INF2: variants seen among roughly 807,000 people sequenced by gnomAD.
The protein encoded by INF2 is inverted formin-2.
INF2 carries 43 observed loss-of-function variants against 123.5 expected under a neutral mutation model. That is an observed-to-expected ratio of 0.35 (90% CI 0.27 to 0.45). INF2 has a LOEUF of 0.45. Among genes scored for constraint, INF2 ranks in the 20% least tolerant of loss-of-function variants. The pLI, the probability that INF2 is intolerant of heterozygous loss-of-function variation, is 1.00. For synonymous variants in INF2, 851 were observed against 745.0 expected (o/e 1.14, Z -2.32); for missense variants, 1,453 against 1,682.7 (o/e 0.86, Z 2.39).
intron 1 of INF2, among the ~76,000 whole-genome samples, chr14:104,694,034 C>T (rs1335570292): frequency 6.6e-6 from 1 of 152,240 alleles, no homozygotes; most frequent in East Asian, 1.9e-4. Context: ...ACACCCAGGG[C>T]CCCTGCCTAT....
chr14:104,687,782 G>C (rs930822275), upstream of INF2, among the ~76,000 whole-genome samples: 1 of 152,132 alleles, frequency 6.6e-6, no homozygotes, highest in Admixed American at 6.5e-5. This position sits in a 1 kb window ranked among gnomAD's most constrained non-coding sequence, Gnocchi z 5.6. Flanking sequence ...CAGCCTCTGA[G>C]TAAGGCTCAG....
chr14:104,696,287 A>C (rs1889186548), intron 1 of INF2, among the ~76,000 whole-genome samples: 1 of 152,132 alleles, frequency 6.6e-6, no homozygotes, highest in Non-Finnish European at 1.5e-5. Context: ...GATCTTGGGG[A>C]CTGCAGGTGG....
At chr14:104,685,761 G>A (rs1372684904), upstream of INF2, among the ~76,000 whole-genome samples, 1 of 150,072 alleles carries the variant, frequency 6.7e-6, no homozygotes, top group Non-Finnish European at 1.5e-5. Context: ...ATGGATAAGG[G>A]TGGGTGCATG....
chr14:104,690,938 C>T (rs1888915058), intron 1 of INF2, among the ~76,000 whole-genome samples: 1 of 152,202 alleles, frequency 6.6e-6, no homozygotes, highest in Non-Finnish European at 1.5e-5. Flanking sequence ...ACACTGCTCC[C>T]ACCCCTACCA....
In INF2 at chr14:104,714,838, C is replaced by T; in HGVS notation, c.3676C>T (p.Pro1226Ser). 2.5e-6 allele frequency: 4 copies of T among 1,587,008 alleles called. No individual in the cohort carries two copies. Among genetic ancestry groups the T allele is most frequent in the South Asian group, 2.3e-5 (2 of 87,346 alleles). Residue 1226 changes from proline to serine, a missense_variant, in exon 21 of 23, where the codon CCC (proline) becomes TCC (serine). Around this residue, in one of 8 missense-constraint regions of INF2, gnomAD observed 344 missense variants for 333.1 expected, o/e 1.03. Coordinates refer to ENST00000392634, the MANE Select transcript of INF2 (RefSeq NM_022489.4). Reference protein sequence around the residue: ...KGTGKRRKKRPSRSQEEVPPD... With the variant: ...KGTGKRRKKRSSRSQEEVPPD... ...GACCGGGAAGCGAAGGAAGAAGCGT[C>T]CCTCCAGGAGCCAGGAAGGTAACTC...
chr14:104,703,048 A>G (rs1889602562), intron 2 of INF2, 57 bp from the exon 3 acceptor site: 1 of 1,401,986 alleles, frequency 7.1e-7, no homozygotes, highest in African/African-American at 1.4e-5. Context: ...GCCCAGCTGC[A>G]CAGGCATGGG....
chr14:104,715,080 G>A (rs529157991), intron 21 of INF2, among the ~76,000 whole-genome samples: 4 of 152,288 alleles, frequency 2.6e-5, no homozygotes, highest in African/African-American at 7.2e-5. Flanking sequence ...CGACCTTCAC[G>A]CCACCTCCGT....
At chr14:104,710,867 A>G in intron 13 of INF2, 70 bp from the exon 14 acceptor site, 1 of 1,394,926 alleles carries the variant, frequency 7.2e-7, no homozygotes. Context: ...AAGCAGGACC[A>G]CACCCCACCG....
In INF2 at chr14:104,707,473, T is replaced by C; in HGVS notation, c.1206T>C (p.Ser402=). 1 of 1,551,996 alleles carries C rather than the reference T, an allele frequency of 6.4e-7. No homozygotes were observed. The highest frequency in any genetic ancestry group is 1.2e-5 in the South Asian group (1 of 84,264). The part of the protein sequence containing the change: ...AACEPVDHAQ[S]ESILKVSQPR... ...GCGAGCCCGTGGACCACGCCCAGAG[T>C]GAGAGCATCCTGAAAGTTTCGCAGC... Residue 402 remains serine (S), a synonymous_variant, in exon 8 of 23, where the codon AGT becomes AGC. Transcript: ENST00000392634.
chr14:104,709,386 A>C lies in INF2; in HGVS notation c.2052+3A>C, dbSNP rs1382855956. 6.2e-7 allele frequency: 1 copy of C among 1,608,444 alleles called. No homozygotes were observed. Among genetic ancestry groups the C allele is most frequent in the African/African-American group, 1.3e-5 (1 of 74,828 alleles). On this transcript the variant is annotated splice_donor_region_variant and intron_variant, in intron 11 of 22. Transcript: ENST00000392634. ...AGCTCCTTCCCGAGAAGCACGAGGT[A>C]AGAGGACCACCCCCACACCCCACCC...
intron 16 of INF2, among the ~76,000 whole-genome samples, chr14:104,712,166 A>G (rs1033537372): frequency 2.0e-5 from 3 of 152,062 alleles, no homozygotes; most frequent in African/African-American, 7.2e-5. Context: ...CCTGCCCTGG[A>G]AGGTTCTCTG....
chr14:104,718,788 C>G lies in INF2; in HGVS notation c.*2-7C>G, dbSNP rs746577559. The G allele has an allele frequency of 2.5e-5, 41 of 1,613,012 alleles. No homozygotes were observed. Among genetic ancestry groups the G allele is most frequent in the Non-Finnish European group, 3.3e-5 (39 of 1,179,714 alleles). ...CCTAATAATGTCATTTTTTCTCTCTCTTACAGGCCTCAGGCCCAGGCCCAA... is the reference window on the plus strand; with the variant it reads ...CCTAATAATGTCATTTTTTCTCTCTGTTACAGGCCTCAGGCCCAGGCCCAA... On this transcript the variant is annotated splice_region_variant and splice_polypyrimidine_tract_variant and intron_variant, in intron 22 of 22. Transcript: ENST00000392634.
rs758971983 is a variant in INF2, at chr14:104,722,469, T to G, written c.*3676T>G. Reference sequence around the variant, plus strand: ...AGCACCTCCTTGTCTGATGGGACTTTGTGGTTCCTGGTGGACATTTAACAT... The same window carrying G: ...AGCACCTCCTTGTCTGATGGGACTTGGTGGTTCCTGGTGGACATTTAACAT... On this transcript the variant is annotated 3_prime_UTR_variant, in exon 23 of 23. Coordinates refer to ENST00000392634, the MANE Select transcript of INF2 (RefSeq NM_022489.4). 2 of 152,242 alleles carry G rather than the reference T, an allele frequency of 1.3e-5. 1 individual carries two copies. The highest frequency in any genetic ancestry group is 3.9e-4 in the East Asian group (2 of 5,190). The allele number at this position is 152,242 out of a possible 1,614,324, so 9.4% of individuals were successfully genotyped here.
Position 104,709,230 on chromosome 14 carries a change from G to A in INF2, c.1950-51G>A, listed in dbSNP as rs1449619267. On this transcript the variant is annotated intron_variant, in intron 10 of 22. Transcript: ENST00000392634. ...AGGTGGGGTCCCAAAGAGGCTGGGT[G>A]GGGGTGACTCATGATTCACTCACCC... 5.0e-6 allele frequency: 7 copies of A among 1,413,874 alleles called. No homozygotes were observed. The Admixed American group carries it at 7.2e-5, about 14-fold the overall frequency. The allele number at this position is 1,413,874 out of a possible 1,614,324, so 87.6% of individuals were successfully genotyped here.
intron 1 of INF2, among the ~76,000 whole-genome samples, chr14:104,692,336 C>T (rs1888993715): frequency 6.6e-6 from 1 of 152,242 alleles, no homozygotes; most frequent in Admixed American, 6.5e-5. Context: ...GCTGATAAAG[C>T]CCCTACTGTG....
rs1368034597 is a variant in INF2 at position 104,683,156 on chromosome 14, G to A, written c.-104+1574G>A. Among the ~76,000 whole-genome samples the A allele has an allele frequency of 2.0e-5, 3 of 152,114 alleles. 1 individual carries two copies. Among genetic ancestry groups the A allele is most frequent in the Non-Finnish European group, 4.4e-5 (3 of 67,994 alleles). Reference sequence around the variant, plus strand: ...AAGGTCCTCAAAGACACAGAGACCTGGGGGAGGGGTCTGCGGGTGGCTGCA... The same window carrying A: ...AAGGTCCTCAAAGACACAGAGACCTAGGGGAGGGGTCTGCGGGTGGCTGCA... On this transcript the variant is annotated intron_variant, in intron 1 of 2. Coordinates refer to the INF2 transcript ENST00000674723.
chr14:104,707,782 C>T lies in INF2; in HGVS notation c.1515C>T (p.Pro505=), dbSNP rs1470425168. ...TGGGATGCCCGCCCCCACCCCCACC[C>T]CTGCTGCCTGGTATGGGCTGGGGCC... ...PGLGCPPPPP[P]LLPGMGWGPP... Residue 505 remains proline (P), a synonymous_variant, in exon 8 of 23, where the codon CCC becomes CCT. Coordinates refer to ENST00000392634, the MANE Select transcript of INF2 (RefSeq NM_022489.4). 2.8e-6 allele frequency: 4 copies of T among 1,421,082 alleles called. No individual in the cohort carries two copies. In the Admixed American group the frequency reaches 5.9e-5, roughly 21 times the overall value. 88.0% of individuals were successfully genotyped at this position (1,421,082 alleles called of 1,614,324 possible).
In INF2 at chr14:104,713,562, G is replaced by A. The variant is rs1318307747; in HGVS notation, c.2996G>A (p.Gly999Asp). The change falls in exon 20 of 23, where the codon GGC becomes GAC. Residue 999 changes from glycine to aspartate, a missense_variant. Physicochemically the swap from Gly to Asp is moderately conservative, Grantham distance 94. Transcript: ENST00000392634. ...TARGRGDTDG[G>D]SKAASMDPPR... ...CGGGGCCGCGGGGACACCGACGGGG[G>A]CAGCAAGGCAGCCTCCATGGATCCC... 3 of 1,612,378 alleles carry A rather than the reference G, an allele frequency of 1.9e-6. No individual in the cohort carries two copies. Among genetic ancestry groups the A allele is most frequent in the Non-Finnish European group, 2.5e-6 (3 of 1,179,744 alleles).
intron 22 of INF2, among the ~76,000 whole-genome samples, chr14:104,717,298 C>CA (rs1890349183): frequency 7.5e-6 from 1 of 133,266 alleles, no homozygotes; most frequent in Non-Finnish European, 1.6e-5. Flanking sequence ...CTCCCAGTCC[C>CA]CCCCCCGGGC....
Sources: gnomAD v4.1 joint callset for allele counts (sites outside exome capture counted in the v4.1 genomes callset) on GRCh38, gnomAD v4.1.1 for gene constraint, gnomAD v4.1.1 regional missense constraint, Gnocchi (gnomAD v3.1) non-coding constraint, MANE v1.5 for transcripts, NCBI Gene and HGNC (gene_info 2026-07-23, HGNC 2026-07-21) for gene names.